The following HSDL2 variants were observed in gnomAD, a reference collection of about 807,000 sequenced individuals.
The protein encoded by HSDL2 is hydroxysteroid dehydrogenase like 2, also known as hydroxysteroid dehydrogenase-like protein 2.
A neutral mutation model predicts 46.3 loss-of-function variants in HSDL2; 27 were observed. The ratio of observed to expected loss-of-function variants is 0.58; its 90% CI spans 0.43 to 0.80. The LOEUF (loss-of-function observed/expected upper bound fraction) is 0.80. Ranked by LOEUF, HSDL2 falls within the 30% of genes least tolerant of loss-of-function variation. HSDL2 has a pLI of 0.00. For synonymous variants in HSDL2, 153 were observed against 163.6 expected (o/e 0.94, Z 0.50); for missense variants, 451 against 502.7 (o/e 0.90, Z 0.98).
At chr9:112,461,466 T>C (rs1316184226) in intron 10 of HSDL2, among the ~76,000 whole-genome samples, 1 of 152,194 alleles carries the variant, frequency 6.6e-6, no homozygotes, top group African/African-American at 2.4e-5. Flanking sequence ...TTTGGACACA[T>C]TTAATAAACG....
At chr9:112,423,636 T>C (rs1311304452) in intron 6 of HSDL2, among the ~76,000 whole-genome samples, 2 of 151,706 alleles carry the variant, frequency 1.3e-5, no homozygotes, top group East Asian at 2.0e-4. Context: ...AAAGGACTTA[T>C]ATGAGCATGG....
intron 10 of HSDL2, among the ~76,000 whole-genome samples, chr9:112,463,888 T>C (rs1353276552): frequency 4.6e-5 from 7 of 152,090 alleles, no homozygotes; most frequent in Admixed American, 2.0e-4. Flanking sequence ...CTCAAACTCC[T>C]GGCCTCGAGT....
At chr9:112,394,538 A>T (rs536918271) in intron 1 of HSDL2, among the ~76,000 whole-genome samples, 1 of 152,342 alleles carries the variant, frequency 6.6e-6, no homozygotes, top group South Asian at 2.1e-4. Context: ...AGTTAACACA[A>T]TCTTCCTAAA....
At chr9:112,470,397 T>C in intron 10 of HSDL2, 35 bp from the exon 11 acceptor site, 1 of 1,298,740 alleles carries the variant, frequency 7.7e-7, no homozygotes, top group Non-Finnish European at 1.1e-6. Context: ...AGGGCACTAA[T>C]GGTTGCTTTT....
At chr9:112,429,237 A>C (rs147067807) in intron 6 of HSDL2, among the ~76,000 whole-genome samples, 1 of 152,152 alleles carries the variant, frequency 6.6e-6, no homozygotes, top group Non-Finnish European at 1.5e-5. Flanking sequence ...CCAAACATTC[A>C]TTCTTACATG....
chr9:112,417,494 AAC>A (rs1344777211), intron 5 of HSDL2, among the ~76,000 whole-genome samples: 2 of 151,394 alleles, frequency 1.3e-5, no homozygotes, highest in East Asian at 1.9e-4. Flanking sequence ...AAAAAAAAAA[AAC>A]GACAAAAAAA....
chr9:112,438,297 C>CT (rs1832570731), intron 6 of HSDL2, 134 bp from the exon 7 acceptor site: 1 of 657,334 alleles, frequency 1.5e-6, no homozygotes, highest in African/African-American at 1.9e-5. Flanking sequence ...GCAATCTGGA[C>CT]TTTGTTTTCA....
intron 4 of HSDL2, among the ~76,000 whole-genome samples, chr9:112,410,023 A>T (rs1333537627): frequency 6.9e-6 from 1 of 145,208 alleles, no homozygotes; most frequent in East Asian, 2.0e-4. Context: ...CCTGGCGTTA[A>T]AAAAAAAAAA....
At chr9:112,397,945 A>G (rs2132611191) in intron 1 of HSDL2, among the ~76,000 whole-genome samples, 1 of 152,288 alleles carries the variant, frequency 6.6e-6, no homozygotes. Context: ...ACGACCGGAT[A>G]AGCCGACACC....
intron 6 of HSDL2, among the ~76,000 whole-genome samples, chr9:112,432,926 C>G (rs1017772018): frequency 6.6e-6 from 1 of 151,954 alleles, no homozygotes; most frequent in Non-Finnish European, 1.5e-5. Context: ...CACCACCACA[C>G]CTGGCTAATT....
At chr9:112,393,770 T>C (rs549939110) in intron 1 of HSDL2, among the ~76,000 whole-genome samples, 2 of 152,340 alleles carry the variant, frequency 1.3e-5, no homozygotes, top group South Asian at 4.1e-4. Flanking sequence ...GAACCAACAT[T>C]ACACTTTTCC....
At chr9:112,428,755 C>T (rs894446208) in intron 6 of HSDL2, among the ~76,000 whole-genome samples, 2 of 152,170 alleles carry the variant, frequency 1.3e-5, no homozygotes, top group Non-Finnish European at 2.9e-5. Flanking sequence ...TGCCTTTTCT[C>T]ACCCTTTCTC....
chr9:112,405,618 T>C lies in HSDL2; in HGVS notation c.182-6T>C, dbSNP rs1224253498. 1.3e-6 allele frequency: 2 copies of C among 1,584,960 alleles called. No homozygotes were observed. Among genetic ancestry groups the C allele is most frequent in the Admixed American group, 1.7e-5 (1 of 58,028 alleles). On this transcript the variant is annotated splice_polypyrimidine_tract_variant and splice_region_variant and intron_variant, in intron 2 of 10. Transcript: ENST00000398805. ...ACGCTTTTTCATTTTGTATCCTTTA[T>C]ATAAGTTGAAGCAGTTGGAGGAAAG...
chr9:112,434,720 C>G (rs1165941185), intron 6 of HSDL2, among the ~76,000 whole-genome samples: 2 of 152,108 alleles, frequency 1.3e-5, no homozygotes, highest in Non-Finnish European at 2.9e-5. Context: ...AGCTCTCTTC[C>G]CAGAGAAGGA....
intron 8 of HSDL2, 48 bp from the exon 9 acceptor site, chr9:112,453,965 C>T (rs372781055): frequency 8.3e-6 from 13 of 1,567,924 alleles, no homozygotes; most frequent in African/African-American, 1.4e-5. Context: ...TGTGTGGGGT[C>T]CTTCACTGCC....
chr9:112,431,260 G>A (rs1046157358), intron 6 of HSDL2, among the ~76,000 whole-genome samples: 2 of 151,758 alleles, frequency 1.3e-5, no homozygotes, highest in Admixed American at 6.6e-5. Flanking sequence ...TCAGGAGAGC[G>A]GTCCAGGTTG....
chr9:112,458,414 C>G (rs887521588), intron 9 of HSDL2, among the ~76,000 whole-genome samples: 1 of 151,356 alleles, frequency 6.6e-6, no homozygotes, highest in Non-Finnish European at 1.5e-5. Context: ...CAACCTCTGC[C>G]CCCAAGGTTC....
intron 6 of HSDL2, among the ~76,000 whole-genome samples, chr9:112,424,978 C>A (rs1434202076): frequency 6.6e-6 from 1 of 151,936 alleles, no homozygotes; most frequent in African/African-American, 2.4e-5. Flanking sequence ...AAAGTGACAA[C>A]TGTGTTTCTG....
chr9:112,383,879 T>A (rs539790040), intron 1 of HSDL2, among the ~76,000 whole-genome samples: 12 of 152,224 alleles, frequency 7.9e-5, no homozygotes, highest in African/African-American at 1.4e-4. Context: ...TTTTAAAAAA[T>A]TTTTTTGTAG....
Sources: gnomAD v4.1 joint callset for allele counts (sites outside exome capture counted in the v4.1 genomes callset) on GRCh38, gnomAD v4.1.1 for gene constraint, MANE v1.5 for transcripts, NCBI Gene and HGNC (gene_info 2026-07-23, HGNC 2026-07-21) for gene names.